TRIM5: variants seen among roughly 807,000 people sequenced by gnomAD.
TRIM5 encodes the protein tripartite motif-containing protein 5.
Under a neutral mutation model 35.6 loss-of-function variants are expected in TRIM5, and 31 were observed. The ratio of observed to expected loss-of-function variants is 0.87; its 90% CI spans 0.65 to 1.18. The LOEUF (loss-of-function observed/expected upper bound fraction) is 1.18. Among genes scored for constraint, TRIM5 ranks in the 50% most tolerant of loss-of-function variants. TRIM5 has a pLI of 0.00. For missense variants in TRIM5, 609 were observed against 591.6 expected (o/e 1.03, Z -0.31); for synonymous variants, 243 against 215.6 (o/e 1.13, Z -1.11).
chr11:5,683,684 A>C (rs1297923545), intron 1 of TRIM5, among the ~76,000 whole-genome samples: 2 of 152,064 alleles, frequency 1.3e-5, no homozygotes, highest in Non-Finnish European at 2.9e-5. Flanking sequence ...CTTTGTGTCT[A>C]CACTCTGTAT....
At chr11:5,652,858 T>TC in the TRIM5 span, among the ~76,000 whole-genome samples, 1 of 143,092 alleles carries the variant, frequency 7.0e-6, no homozygotes, top group African/African-American at 2.6e-5. Context: ...TTTTCTTTTT[T>TC]TTTTTTTTTT....
In TRIM5 at chr11:5,676,797, C is replaced by T. The variant is rs557045692; in HGVS notation, c.744+1407G>A. ...AGAACAGAGCCCTCAGAAATAACGACGCATATCTACAACTATCTGATCTTT... is the reference window on the plus strand; with the variant it reads ...AGAACAGAGCCCTCAGAAATAACGATGCATATCTACAACTATCTGATCTTT... On this transcript the variant is annotated intron_variant, in intron 4 of 7. Transcript: ENST00000380034. 7.3e-4 allele frequency among the ~76,000 whole-genome samples: 110 copies of T among 151,108 alleles called. 1 individual carries two copies. Among genetic ancestry groups the T allele is most frequent in the Middle Eastern group, 3.4e-3 (1 of 294 alleles).
chr11:5,612,357 A>AATC, the TRIM5 span: 1 of 152,220 alleles, frequency 6.6e-6, no homozygotes, highest in African/African-American at 2.4e-5. Context: ...TCTTCACTAC[A>AATC]ATCTTCACTA....
rs1348924607 is a variant in TRIM5, at chr11:5,680,205, C to G, written c.-28G>C. On this transcript the variant is annotated 5_prime_UTR_variant, in exon 2 of 8. Transcript: ENST00000380034. ...TAGCTATTCCACTGCTCCTGCCTGT[C>G]CTGGCTGCTGAGGTTCCTCTTGTTC... The G allele has an allele frequency of 6.4e-7, 1 of 1,555,252 alleles. No homozygotes were observed. The highest frequency in any genetic ancestry group is 2.3e-5 in the East Asian group (1 of 44,308).
chr11:5,671,976 G>C (rs1218820639), intron 4 of TRIM5, among the ~76,000 whole-genome samples: 1 of 151,976 alleles, frequency 6.6e-6, no homozygotes, highest in East Asian at 1.9e-4. Flanking sequence ...AAAGCAGCAA[G>C]AGAAAAATTA....
At position 5,680,232 on chromosome 11, in the gene TRIM5, C is replaced by T; in HGVS notation, c.-55G>A. 6.6e-7 allele frequency: 1 copy of T among 1,510,214 alleles called. No individual in the cohort carries two copies. 93.6% of individuals were successfully genotyped at this position (1,510,214 alleles called of 1,614,324 possible). The stretch of plus-strand genomic sequence containing the variant: ...TGGCTGCTGAGGTTCCTCTTGTTCA[C>T]AGATCCCTGCATGATTGGGAAGGTT... On this transcript the variant is annotated 5_prime_UTR_variant, in exon 2 of 8. The change creates a new upstream start codon in the 5' untranslated region. Coordinates refer to ENST00000380034, the MANE Select transcript of TRIM5 (RefSeq NM_033034.3).
chr11:5,621,730 C>T, the TRIM5 span, among the ~76,000 whole-genome samples: 1 of 152,160 alleles, frequency 6.6e-6, no homozygotes, highest in East Asian at 1.9e-4. Flanking sequence ...TCCCTCTGCT[C>T]ACTGACATAA....
the TRIM5 span, among the ~76,000 whole-genome samples, chr11:5,601,031 C>G: frequency 1.3e-5 from 2 of 152,254 alleles, no homozygotes. Context: ...CAATAAAGGT[C>G]ATATTTCTCA....
At chr11:5,593,601 G>C in the TRIM5 span, among the ~76,000 whole-genome samples, 12 of 152,090 alleles carry the variant, frequency 7.9e-5, no homozygotes, top group Non-Finnish European at 1.5e-4. Flanking sequence ...TGCTTTTCCT[G>C]AAACCTCTTT....
the TRIM5 span, chr11:5,603,481 C>T: frequency 1.2e-6 from 2 of 1,613,898 alleles, no homozygotes; most frequent in Non-Finnish European, 1.7e-6. Context: ...AAGAAGCTGC[C>T]CTGTGTGCCA....
the TRIM5 span, chr11:5,611,305 G>A: frequency 6.2e-7 from 1 of 1,614,086 alleles, no homozygotes; most frequent in South Asian, 1.1e-5. Context: ...CCTTGCAACT[G>A]TGTAATTCCT....
the TRIM5 span, chr11:5,612,857 A>ATAATG: frequency 6.6e-6 from 1 of 152,264 alleles, no homozygotes; most frequent in African/African-American, 2.4e-5. Context: ...ACTTCAAAAA[A>ATAATG]TAATGTAAAA....
the TRIM5 span, chr11:5,642,873 T>G: frequency 4.3e-6 from 7 of 1,613,264 alleles, no homozygotes; most frequent in East Asian, 1.3e-4. Context: ...TAAATAACTG[T>G]TTTCCAATTA....
the TRIM5 span, among the ~76,000 whole-genome samples, chr11:5,654,829 A>G: frequency 6.6e-6 from 1 of 152,170 alleles, no homozygotes; most frequent in African/African-American, 2.4e-5. Context: ...CTAAATGTTA[A>G]TAACACCACA....
At chr11:5,642,870 C>G in the TRIM5 span, 2 of 1,613,540 alleles carry the variant, frequency 1.2e-6, no homozygotes, top group Admixed American at 1.7e-5. Context: ...CTTTAAATAA[C>G]TGTTTTCCAA....
chr11:5,599,924 A>C, the TRIM5 span, among the ~76,000 whole-genome samples: 3 of 152,256 alleles, frequency 2.0e-5, no homozygotes, highest in East Asian at 5.8e-4. Flanking sequence ...TATTGCCTCT[A>C]TTATCAAAGG....
intron 1 of TRIM5, among the ~76,000 whole-genome samples, chr11:5,684,480 C>T (rs1324408132): frequency 6.6e-6 from 1 of 152,202 alleles, no homozygotes; most frequent in East Asian, 1.9e-4. Flanking sequence ...GCTGATGTCA[C>T]AGAGCCAGGC....
At chr11:5,606,713 CTG>C in the TRIM5 span, among the ~76,000 whole-genome samples, 1 of 152,152 alleles carries the variant, frequency 6.6e-6, no homozygotes, top group Non-Finnish European at 1.5e-5. Context: ...AGTCCTCAAA[CTG>C]TAAATATTTT....
At chr11:5,602,639 G>A in the TRIM5 span, among the ~76,000 whole-genome samples, 10 of 151,548 alleles carry the variant, frequency 6.6e-5, no homozygotes, top group Non-Finnish European at 1.5e-4. Context: ...TTAACATTGA[G>A]GATATGTTTT....
Sources: gnomAD v4.1 joint callset for allele counts (sites outside exome capture counted in the v4.1 genomes callset) on GRCh38, gnomAD v4.1.1 for gene constraint, MANE v1.5 for transcripts, NCBI Gene and HGNC (gene_info 2026-07-23, HGNC 2026-07-21) for gene names.